The following BMP2K variants were observed in gnomAD, a reference collection of about 807,000 sequenced individuals.
BMP2K encodes BMP-2-inducible protein kinase.
Under a neutral mutation model 116.0 loss-of-function variants are expected in BMP2K, and 74 were observed. The ratio of observed to expected loss-of-function variants is 0.64; its 90% CI spans 0.53 to 0.77. The LOEUF is 0.77. BMP2K is among the 30% of genes least tolerant of loss of function. BMP2K has a pLI of 0.00. For synonymous variants in BMP2K, 486 were observed against 502.5 expected, an observed-to-expected ratio of 0.97 and a Z score of 0.44; for missense variants, 1,365 against 1,403.6, an observed-to-expected ratio of 0.97 and a Z score of 0.44.
At chr4:78,897,235 AATAAC>A (rs1195153621) in intron 15 of BMP2K, among the ~76,000 whole-genome samples, 4 of 152,120 alleles carry the variant, frequency 2.6e-5, no homozygotes, top group Admixed American at 1.3e-4. Context: ...ACCTTAAGAA[AATAAC>A]ATAACATCTT....
At chr4:78,828,552 T>C (rs1346240430) in intron 2 of BMP2K, among the ~76,000 whole-genome samples, 1 of 152,180 alleles carries the variant, frequency 6.6e-6, no homozygotes, top group Non-Finnish European at 1.5e-5. Flanking sequence ...ATTAGAGTCC[T>C]GCCTTGGGGC....
At chr4:78,779,227 T>C (rs759403108) in intron 1 of BMP2K, among the ~76,000 whole-genome samples, 2 of 152,228 alleles carry the variant, frequency 1.3e-5, no homozygotes, top group Non-Finnish European at 2.9e-5. Context: ...CTGATCAAGA[T>C]ACAACCTTGT....
At chr4:78,804,024 A>T (rs533706639) in intron 1 of BMP2K, among the ~76,000 whole-genome samples, 42 of 152,330 alleles carry the variant, frequency 2.8e-4, no homozygotes, top group Admixed American at 2.7e-3. Flanking sequence ...TAGTGATTTT[A>T]GTGTATTTAC....
At chr4:78,894,051 G>T (rs1733576288) in intron 15 of BMP2K, among the ~76,000 whole-genome samples, 1 of 152,222 alleles carries the variant, frequency 6.6e-6, no homozygotes, top group Admixed American at 6.5e-5. Flanking sequence ...GATTTCAAGA[G>T]TGGGTTTCAA....
chr4:78,881,113 T>C (rs1214849378), intron 14 of BMP2K, among the ~76,000 whole-genome samples: 1 of 152,200 alleles, frequency 6.6e-6, no homozygotes, highest in Non-Finnish European at 1.5e-5. Flanking sequence ...CTTCCACATT[T>C]ATAAACTGGG....
chr4:78,859,655 G>A lies in BMP2K; in HGVS notation c.955G>A (p.Ala319Thr). The A allele has an allele frequency of 6.2e-7, 1 of 1,609,554 alleles. No individual in the cohort carries two copies. Among genetic ancestry groups the A allele is most frequent in the Non-Finnish European group, 8.5e-7 (1 of 1,177,418 alleles). The change falls in exon 8 of 16, where the codon GCC becomes ACC. Residue 319 changes from alanine (A) to threonine (T), a missense_variant. Physicochemically the swap from Ala to Thr is moderately conservative, Grantham distance 58 (BLOSUM62 0). Coordinates refer to ENST00000502613, the MANE Select transcript of BMP2K (RefSeq NM_198892.2). ...FQVSYFAFKF[A>T]KKDCPVSNIN... ...AGTGTCATATTTTGCATTTAAATTT[G>A]CCAAAAAGGATTGTCCAGTCTCCAA...
At chr4:78,824,386 G>T (rs1729772427) in intron 1 of BMP2K, among the ~76,000 whole-genome samples, 1 of 152,190 alleles carries the variant, frequency 6.6e-6, no homozygotes, top group Non-Finnish European at 1.5e-5. Context: ...CACAATCATG[G>T]CAGAAGGTGA....
At chr4:78,875,976 G>A (rs917955275) in intron 13 of BMP2K, among the ~76,000 whole-genome samples, 22 of 152,160 alleles carry the variant, frequency 1.4e-4, no homozygotes, top group African/African-American at 5.1e-4. Flanking sequence ...TGTTAGAATT[G>A]AGTCACTAGA....
intron 1 of BMP2K, among the ~76,000 whole-genome samples, chr4:78,793,731 A>C (rs1259650750): frequency 6.6e-6 from 1 of 152,162 alleles, no homozygotes; most frequent in African/African-American, 2.4e-5. Context: ...AATAAAATGC[A>C]CTTGGATATA....
chr4:78,874,421 G>A (rs1732536153), intron 13 of BMP2K, among the ~76,000 whole-genome samples: 2 of 152,108 alleles, frequency 1.3e-5, no homozygotes, highest in African/African-American at 4.8e-5. Flanking sequence ...GTCCCCTAGT[G>A]ATAAGAATGG....
intron 15 of BMP2K, among the ~76,000 whole-genome samples, chr4:78,899,984 T>C (rs559948274): frequency 1.4e-4 from 22 of 152,170 alleles, no homozygotes; most frequent in Non-Finnish European, 2.4e-4. Flanking sequence ...AGTGTTGATA[T>C]ATACAGTCGA....
At chr4:78,808,494 C>G (rs1353962634) in intron 1 of BMP2K, among the ~76,000 whole-genome samples, 1 of 152,030 alleles carries the variant, frequency 6.6e-6, no homozygotes, top group Non-Finnish European at 1.5e-5. Flanking sequence ...TCTCAATCTC[C>G]TGACCTTGTG....
chr4:78,883,371 G>A (rs1422800418), intron 14 of BMP2K, among the ~76,000 whole-genome samples: 1 of 152,038 alleles, frequency 6.6e-6, no homozygotes, highest in Non-Finnish European at 1.5e-5. Context: ...TGTATTTTGT[G>A]TCCTGAGACT....
intron 7 of BMP2K, among the ~76,000 whole-genome samples, chr4:78,855,709 G>A (rs577251123): frequency 4.6e-5 from 7 of 152,246 alleles, no homozygotes; most frequent in African/African-American, 1.7e-4. Flanking sequence ...AAATATTGTT[G>A]TAGTTTTAGT....
At chr4:78,873,709 C>T (rs1321606273) in intron 13 of BMP2K, among the ~76,000 whole-genome samples, 5 of 141,850 alleles carry the variant, frequency 3.5e-5, no homozygotes, top group South Asian at 4.6e-4. Flanking sequence ...TGTGTGTATG[C>T]ATGCATGCAT....
chr4:78,891,590 C>A (rs1472031070), intron 15 of BMP2K, among the ~76,000 whole-genome samples: 2 of 152,054 alleles, frequency 1.3e-5, no homozygotes, highest in African/African-American at 4.8e-5. Context: ...ATATTTGCAT[C>A]TTAGAAATTT....
intron 1 of BMP2K, among the ~76,000 whole-genome samples, chr4:78,800,222 A>C (rs947010755): frequency 6.6e-6 from 1 of 152,138 alleles, no homozygotes; most frequent in Admixed American, 6.5e-5. Context: ...CTATGCTGAT[A>C]CTTTGGCTCT....
chr4:78,840,477 C>A (rs368553473), intron 3 of BMP2K, among the ~76,000 whole-genome samples: 1 of 151,990 alleles, frequency 6.6e-6, no homozygotes, highest in East Asian at 1.9e-4. Flanking sequence ...CTGTTTTTGC[C>A]TAATTAGCAT....
chr4:78,894,162 G>A (rs767504215), intron 15 of BMP2K, among the ~76,000 whole-genome samples: 2 of 152,100 alleles, frequency 1.3e-5, no homozygotes, highest in Non-Finnish European at 2.9e-5. Context: ...GTTCTTAAGG[G>A]CCTCGAAGTT....
Sources: allele counts gnomAD v4.1 joint callset (sites outside exome capture counted in the v4.1 genomes callset), GRCh38; gene constraint gnomAD v4.1.1; transcripts MANE v1.5; gene names NCBI Gene and HGNC (gene_info 2026-07-23, HGNC 2026-07-21).